LRRTM4: variants seen among roughly 807,000 people sequenced by gnomAD.
LRRTM4 encodes the protein leucine rich repeat transmembrane neuronal 4.
In LRRTM4, 25 loss-of-function variants were observed where a neutral mutation model predicts 47.6. That is an observed-to-expected ratio of 0.53 (90% confidence interval 0.38 to 0.73). The LOEUF (loss-of-function observed/expected upper bound fraction) is 0.73. Among genes scored for constraint, LRRTM4 ranks in the 30% least tolerant of loss-of-function variants. The probability of loss-of-function intolerance (pLI) is 0.00; values close to 1 mark genes in which losing one functional copy is unlikely to be tolerated. For missense variants in LRRTM4, 638 were observed against 713.4 expected (o/e 0.89, Z 1.20); for synonymous variants, 311 against 269.5 (o/e 1.15, Z -1.51).
At chr2:76,824,335 T>C (rs1671134019) in intron 3 of LRRTM4, among the ~76,000 whole-genome samples, 1 of 151,594 alleles carries the variant, frequency 6.6e-6, no homozygotes, top group Admixed American at 6.6e-5. Flanking sequence ...AATGCATGAA[T>C]GGAATACAAT....
intron 3 of LRRTM4, among the ~76,000 whole-genome samples, chr2:77,061,226 T>C (rs1028196418): frequency 6.6e-6 from 1 of 151,996 alleles, no homozygotes; most frequent in Non-Finnish European, 1.5e-5. Context: ...TTAGAGTAAA[T>C]AGTAGCACCA....
intron 3 of LRRTM4, among the ~76,000 whole-genome samples, chr2:77,304,512 A>G (rs1677220841): frequency 6.6e-6 from 1 of 151,108 alleles, no homozygotes; most frequent in African/African-American, 2.5e-5. Context: ...CTGAGAATAA[A>G]TGGAAAAAAA....
intron 3 of LRRTM4, among the ~76,000 whole-genome samples, chr2:77,149,758 G>C (rs1672365277): frequency 6.6e-6 from 1 of 152,136 alleles, no homozygotes; most frequent in Admixed American, 6.6e-5. Context: ...GGGGCTGCGT[G>C]CCTCACTGGT....
At chr2:76,851,206 T>A (rs990394978) in intron 3 of LRRTM4, among the ~76,000 whole-genome samples, 4 of 152,188 alleles carry the variant, frequency 2.6e-5, no homozygotes, top group African/African-American at 9.6e-5. Context: ...TCTGAAATTA[T>A]GATGGAGCTC....
intron 3 of LRRTM4, among the ~76,000 whole-genome samples, chr2:76,950,635 T>C (rs958350972): frequency 1.3e-5 from 2 of 151,958 alleles, no homozygotes; most frequent in South Asian, 2.1e-4. Flanking sequence ...CTTCAGATAA[T>C]AGATTTTACA....
chr2:77,467,104 TTTG>T lies in LRRTM4; in HGVS notation c.1551+51211_1551+51213del, dbSNP rs374414572. ...CTTTTTGTTTAATAAAACAGGCTGT[TTTG>T]TTGTTGTTGTTGTTGTTGTAATCAT... On this transcript the variant is annotated intron_variant, in intron 3 of 3. Transcript: ENST00000409884. 8.4e-4 allele frequency among the ~76,000 whole-genome samples: 128 copies of T among 152,048 alleles called. 1 individual carries two copies. The highest frequency in any genetic ancestry group is 3.4e-3 in the Middle Eastern group (1 of 294).
intron 3 of LRRTM4, among the ~76,000 whole-genome samples, chr2:76,796,515 C>T (rs1434760212): frequency 1.5e-5 from 2 of 131,610 alleles, no homozygotes; most frequent in South Asian, 5.2e-4. Flanking sequence ...GACCCCAGAA[C>T]ACCCTAACTG....
intron 3 of LRRTM4, among the ~76,000 whole-genome samples, chr2:76,919,084 T>A (rs1182181341): frequency 1.3e-5 from 2 of 152,108 alleles, no homozygotes; most frequent in Non-Finnish European, 2.9e-5. Flanking sequence ...CACACAGACA[T>A]TCTTAATTCT....
At chr2:77,254,359 A>C (rs933423960) in intron 3 of LRRTM4, among the ~76,000 whole-genome samples, 20 of 151,958 alleles carry the variant, frequency 1.3e-4, no homozygotes, top group African/African-American at 4.3e-4. Flanking sequence ...GAGGAAAATA[A>C]AACAAACAAA....
chr2:77,427,359 T>C (rs1420447912), intron 3 of LRRTM4, among the ~76,000 whole-genome samples: 1 of 152,172 alleles, frequency 6.6e-6, no homozygotes, highest in Non-Finnish European at 1.5e-5. Flanking sequence ...AAATAACAAA[T>C]AAGGACTCTT....
rs188290984 is a variant in LRRTM4 at position 77,398,062 on chromosome 2, C to A, written c.1551+120256G>T. Reference sequence around the variant, plus strand: ...AAGAAAGCCAGCTGACTAGCCTGACCCAAAAGAACCTCCCATTTCATTGTG... The same window carrying A: ...AAGAAAGCCAGCTGACTAGCCTGACACAAAAGAACCTCCCATTTCATTGTG... On this transcript the variant is annotated intron_variant, in intron 3 of 3. Transcript: ENST00000409884. Among the ~76,000 whole-genome samples the A allele has an allele frequency of 1.3e-4, 20 of 151,890 alleles. No individual in the cohort carries two copies. In the East Asian group the frequency reaches 3.3e-3, roughly 25 times the overall value.
At position 77,025,974 on chromosome 2, in the gene LRRTM4, CAT is replaced by C. The variant is rs574043965; in HGVS notation, c.1552-277060_1552-277059del. Among the ~76,000 whole-genome samples, 236 of 152,230 alleles carry C rather than the reference CAT, an allele frequency of 1.6e-3. 4 individuals are homozygous for C. Among genetic ancestry groups the C allele is most frequent in the Admixed American group, 0.011 (174 of 15,294 alleles). On this transcript the variant is annotated intron_variant, in intron 3 of 3. Coordinates refer to ENST00000409884, the MANE Select transcript of LRRTM4 (RefSeq NM_001134745.3). ...AAACAAGTCATGGGACACGATTGCA[CAT>C]GTTTCCTACTTGAATCAAAATAAAG...
rs146289719 is a variant in LRRTM4 at position 77,004,609 on chromosome 2, A to C, written c.1552-255693T>G. On this transcript the variant is annotated intron_variant, in intron 3 of 3. Coordinates refer to ENST00000409884, the MANE Select transcript of LRRTM4 (RefSeq NM_001134745.3). ...GGAGAAATGTAGGGTCGGAGCCCCC[A>C]CACAGAGTCCCCAATGGGGCACTGT... is the stretch of plus-strand genomic sequence containing the variant. Among the ~76,000 whole-genome samples, 883 of 152,238 alleles carry C rather than the reference A, an allele frequency of 5.8e-3. 15 individuals are homozygous for C. The highest frequency in any genetic ancestry group is 0.02 in the African/African-American group (846 of 41,544).
At chr2:77,037,213 G>C (rs1372874291) in intron 3 of LRRTM4, among the ~76,000 whole-genome samples, 1 of 151,680 alleles carries the variant, frequency 6.6e-6, no homozygotes, top group Non-Finnish European at 1.5e-5. Context: ...GAGAGAATAT[G>C]GGCTTCACGG....
At chr2:77,315,894 A>C (rs1485466959) in intron 3 of LRRTM4, among the ~76,000 whole-genome samples, 1 of 152,136 alleles carries the variant, frequency 6.6e-6, no homozygotes, top group East Asian at 1.9e-4. Context: ...TTGTCAAACT[A>C]CCTCCTGCCA....
intron 3 of LRRTM4, among the ~76,000 whole-genome samples, chr2:76,839,800 AT>A (rs981559388): frequency 2.8e-4 from 43 of 151,986 alleles, no homozygotes; most frequent in South Asian, 1.0e-3. Context: ...ATACAATTTT[AT>A]TTTTTTTAAT....
chr2:77,192,644 T>A lies in LRRTM4; in HGVS notation c.1551+325674A>T, dbSNP rs576137353. Among the ~76,000 whole-genome samples, 252 of 152,292 alleles carry A rather than the reference T, an allele frequency of 1.7e-3. 1 individual carries two copies. Among genetic ancestry groups the A allele is most frequent in the Non-Finnish European group, 2.7e-3 (183 of 68,010 alleles). On this transcript the variant is annotated intron_variant, in intron 3 of 3. Coordinates refer to ENST00000409884, the MANE Select transcript of LRRTM4 (RefSeq NM_001134745.3). ...GTAGACTGCACAATTTCCAAATTAA[T>A]TTAATTTTCTCCCCAAAACAATTTG...
intron 3 of LRRTM4, among the ~76,000 whole-genome samples, chr2:77,313,642 G>T (rs538204763): frequency 3.3e-5 from 5 of 152,046 alleles, no homozygotes; most frequent in East Asian, 1.9e-4. Context: ...TGAAGTCATA[G>T]CACATATTAT....
intron 3 of LRRTM4, among the ~76,000 whole-genome samples, chr2:77,503,698 C>T (rs147189317): frequency 3.5e-4 from 53 of 151,018 alleles, no homozygotes; most frequent in African/African-American, 1.2e-3. Flanking sequence ...ATAAGAAAAA[C>T]GTAAAACTCA....
Sources: allele counts gnomAD v4.1 joint callset (sites outside exome capture counted in the v4.1 genomes callset), GRCh38; gene constraint gnomAD v4.1.1; transcripts MANE v1.5; gene names NCBI Gene and HGNC (gene_info 2026-07-23, HGNC 2026-07-21).